Variants in NRXN1 observed in about 807,000 individuals in gnomAD.
NRXN1 encodes the protein neurexin-1.
In NRXN1, 39 loss-of-function variants were observed where a neutral mutation model predicts 150.9. The observed-to-expected ratio is 0.26, with a 90% CI of 0.20 to 0.34. The LOEUF (loss-of-function observed/expected upper bound fraction) is 0.34. Ranked by LOEUF, NRXN1 falls within the 10% of genes least tolerant of loss-of-function variation. The pLI is 1.00. For synonymous variants in NRXN1, 924 were observed against 757.0 expected (o/e 1.22, Z -3.62); for missense variants, 1,815 against 1,949.9 (o/e 0.93, Z 1.30).
At chr2:50,401,146 A>T (rs974280362) in intron 17 of NRXN1, among the ~76,000 whole-genome samples, 1 of 152,206 alleles carries the variant, frequency 6.6e-6, no homozygotes, top group Non-Finnish European at 1.5e-5. Flanking sequence ...TTCATATTAG[A>T]TACCAAGCGC....
intron 17 of NRXN1, among the ~76,000 whole-genome samples, chr2:50,366,533 T>G (rs1288285556): frequency 6.6e-6 from 1 of 151,866 alleles, no homozygotes; most frequent in African/African-American, 2.4e-5. Context: ...GTGCACAGAG[T>G]AGCAATATGT....
intron 22 of NRXN1, among the ~76,000 whole-genome samples, chr2:49,924,427 A>G (rs2104040134): frequency 6.6e-6 from 1 of 152,274 alleles, no homozygotes; most frequent in Non-Finnish European, 1.5e-5. Flanking sequence ...TCAATAAGGA[A>G]TTGATATCGT....
intron 8 of NRXN1, among the ~76,000 whole-genome samples, chr2:50,555,356 G>A (rs1668079015): frequency 6.6e-6 from 1 of 152,102 alleles, no homozygotes; most frequent in Non-Finnish European, 1.5e-5. Context: ...TGAAGAATGA[G>A]GGGCAGTCTA....
chr2:50,663,030 T>A (rs1469227390), intron 5 of NRXN1, among the ~76,000 whole-genome samples: 1 of 152,016 alleles, frequency 6.6e-6, no homozygotes, highest in Non-Finnish European at 1.5e-5. Flanking sequence ...CATGGAGCAC[T>A]ATTTGAGAAA....
chr2:50,871,892 G>T (rs1677832457), intron 5 of NRXN1, among the ~76,000 whole-genome samples: 1 of 151,704 alleles, frequency 6.6e-6, no homozygotes, highest in African/African-American at 2.4e-5. Flanking sequence ...AAAGCCCTTG[G>T]TATATAATGT....
chr2:50,476,456 G>C (rs541260332), intron 15 of NRXN1, among the ~76,000 whole-genome samples: 1 of 151,840 alleles, frequency 6.6e-6, no homozygotes, highest in South Asian at 2.1e-4. Context: ...TATGAAATGG[G>C]GTTGATAATG....
At chr2:50,598,914 C>T (rs548188390) in intron 8 of NRXN1, among the ~76,000 whole-genome samples, 1 of 151,688 alleles carries the variant, frequency 6.6e-6, no homozygotes, top group African/African-American at 2.4e-5. Flanking sequence ...CCCGCCACCA[C>T]ACTTGGCTAA....
chr2:50,439,591 G>A (rs2085750520), intron 17 of NRXN1, among the ~76,000 whole-genome samples: 1 of 152,076 alleles, frequency 6.6e-6, no homozygotes, highest in Non-Finnish European at 1.5e-5. Context: ...TGGATCACGA[G>A]GTCAGGAGAT....
At chr2:50,694,777 A>C (rs941556418) in intron 5 of NRXN1, among the ~76,000 whole-genome samples, 4 of 152,204 alleles carry the variant, frequency 2.6e-5, no homozygotes, top group Non-Finnish European at 5.9e-5. Flanking sequence ...ATTCATATTT[A>C]ATCCAGAAAA....
intron 5 of NRXN1, among the ~76,000 whole-genome samples, chr2:50,668,277 CCTTA>C (rs1413990424): frequency 3.3e-5 from 5 of 151,408 alleles, no homozygotes; most frequent in Non-Finnish European, 7.4e-5. Flanking sequence ...CTCAAGGTCT[CCTTA>C]CTTAATCAGT....
chr2:50,905,632 C>T (rs939193948), intron 5 of NRXN1, among the ~76,000 whole-genome samples: 1 of 152,094 alleles, frequency 6.6e-6, no homozygotes, highest in Non-Finnish European at 1.5e-5. Context: ...CAGGTGTCCT[C>T]TTTCCCAGTG....
intron 17 of NRXN1, among the ~76,000 whole-genome samples, chr2:50,246,436 TA>T (rs2066511732): frequency 6.6e-6 from 1 of 152,080 alleles, no homozygotes; most frequent in Non-Finnish European, 1.5e-5. Context: ...ATAAAATTTG[TA>T]GTAATTTTAG....
chr2:50,846,815 G>T (rs75982132), intron 5 of NRXN1, among the ~76,000 whole-genome samples: 2,156 of 152,154 alleles, frequency 0.014, 31 homozygotes, highest in South Asian at 0.039. Context: ...AACAAAAGAC[G>T]GATTAAAAAG....
At chr2:50,278,144 C>T (rs1368162613) in intron 17 of NRXN1, among the ~76,000 whole-genome samples, 1 of 138,024 alleles carries the variant, frequency 7.2e-6, no homozygotes, top group Non-Finnish European at 1.5e-5. Context: ...TCTTGGCTCA[C>T]CACCTGCCAG....
intron 8 of NRXN1, among the ~76,000 whole-genome samples, chr2:50,595,205 G>A (rs566586497): frequency 1.1e-3 from 172 of 152,018 alleles, no homozygotes; most frequent in African/African-American, 4.0e-3. Flanking sequence ...TAAGACACTC[G>A]CCCAAGAAAG....
chr2:49,964,410 C>T (rs1437996127), intron 21 of NRXN1, among the ~76,000 whole-genome samples: 2 of 150,454 alleles, frequency 1.3e-5, no homozygotes, highest in Non-Finnish European at 3.0e-5. Context: ...GAAACCCCGC[C>T]TCTACTAAAA....
At chr2:49,987,701 T>C (rs1018694111) in intron 21 of NRXN1, among the ~76,000 whole-genome samples, 1 of 152,066 alleles carries the variant, frequency 6.6e-6, no homozygotes, top group Non-Finnish European at 1.5e-5. Flanking sequence ...TATGTCAACA[T>C]TCTACCTAAA....
chr2:50,191,625 T>C (rs1385949720), intron 18 of NRXN1, among the ~76,000 whole-genome samples: 2 of 152,184 alleles, frequency 1.3e-5, no homozygotes, highest in East Asian at 1.9e-4. Flanking sequence ...CAATAATCTA[T>C]TCTCCATCTC....
intron 17 of NRXN1, among the ~76,000 whole-genome samples, chr2:50,310,979 T>A (rs913803581): frequency 1.3e-5 from 2 of 152,202 alleles, no homozygotes; most frequent in African/African-American, 4.8e-5. Context: ...ATAATTTGTA[T>A]AACATAAATT....
Sources: gnomAD v4.1 joint callset for allele counts (sites outside exome capture counted in the v4.1 genomes callset) on GRCh38, gnomAD v4.1.1 for gene constraint, MANE v1.5 for transcripts, NCBI Gene and HGNC (gene_info 2026-07-23, HGNC 2026-07-21) for gene names.